NPRL3: variants seen among roughly 807,000 people sequenced by gnomAD.
NPRL3 encodes NPR3 like, GATOR1 complex subunit.
Under a neutral mutation model 57.2 loss-of-function variants are expected in NPRL3, and 23 were observed. The observed-to-expected ratio is 0.40, with a 90% CI of 0.29 to 0.57. The LOEUF is 0.57. Ranked by LOEUF, NPRL3 falls within the 20% of genes least tolerant of loss-of-function variation. NPRL3 has a pLI of 0.42. For missense variants in NPRL3, 691 were observed against 767.1 expected, an observed-to-expected ratio of 0.90 and a Z score of 1.17; for synonymous variants, 333 against 321.1, an observed-to-expected ratio of 1.04 and a Z score of -0.39.
chr16:117,081 C>T (rs960492663), intron 5 of NPRL3, among the ~76,000 whole-genome samples: 4 of 152,056 alleles, frequency 2.6e-5, no homozygotes, highest in Non-Finnish European at 5.9e-5. Flanking sequence ...ATGAATGTAC[C>T]AGATGCCACT....
chr16:135,907 G>C (rs1302787481), intron 2 of NPRL3, among the ~76,000 whole-genome samples: 1 of 152,056 alleles, frequency 6.6e-6, no homozygotes, highest in Non-Finnish European at 1.5e-5. Context: ...ATTAGGCAAA[G>C]GTTATAAATA....
At chr16:93,776 G>A (rs1259474431) in intron 9 of NPRL3, among the ~76,000 whole-genome samples, 1 of 152,176 alleles carries the variant, frequency 6.6e-6, no homozygotes, top group Non-Finnish European at 1.5e-5. Context: ...ATGTTGGCCA[G>A]GATGGTCTCG....
chr16:129,305 G>A (rs1900685315), intron 3 of NPRL3, among the ~76,000 whole-genome samples: 1 of 152,124 alleles, frequency 6.6e-6, no homozygotes, highest in South Asian at 2.1e-4. Context: ...CTGTGCAGGG[G>A]CAAAAGCATT....
In NPRL3 at chr16:101,916, G is replaced by A. The variant is rs896493739; in HGVS notation, c.630-1407C>T. Among the ~76,000 whole-genome samples the A allele has an allele frequency of 7.9e-5, 12 of 152,236 alleles. No homozygotes were observed. The East Asian group carries it at 1.2e-3, about 15-fold the overall frequency. On this transcript the variant is annotated intron_variant, in intron 7 of 13. Transcript: ENST00000611875. ...CCATTGACACTCCAACCCCTGACCC[G>A]CTGCCTAATGCTGTCTCCCCAACCA...
At chr16:92,905 G>C (rs1898825193) in intron 10 of NPRL3, 180 bp from the exon 11 acceptor site, 2 of 712,224 alleles carry the variant, frequency 2.8e-6, no homozygotes, top group East Asian at 2.7e-5. Flanking sequence ...ACTTCCCCTT[G>C]AGCAGCAGCA....
At chr16:87,605 G>T (rs796350581) in intron 13 of NPRL3, among the ~76,000 whole-genome samples, 12 of 150,058 alleles carry the variant, frequency 8.0e-5, no homozygotes, top group African/African-American at 3.0e-4. Context: ...CGCGATCTGG[G>T]CTCACTGCAA....
chr16:89,113 A>C (rs1034780754), intron 12 of NPRL3: 54 of 575,306 alleles, frequency 9.4e-5, no homozygotes, highest in Non-Finnish European at 4.7e-5. Flanking sequence ...GGGCAACCTC[A>C]AGGGACCTGA....
At chr16:127,671 T>G (rs1465354394) in intron 3 of NPRL3, among the ~76,000 whole-genome samples, 1 of 151,784 alleles carries the variant, frequency 6.6e-6, no homozygotes, top group Admixed American at 6.6e-5. Context: ...TTTTTTTTTT[T>G]TGAGACGGAG....
Position 138,332 on chromosome 16 carries a change from G to A in NPRL3, c.-65C>T, listed in dbSNP as rs146357256. ...GGAGGACGGAGCCGGAGGCGGAGGG[G>A]GCCTGAGGAGGACGGAGCCGGAGGC... On this transcript the variant is annotated splice_region_variant and 5_prime_UTR_variant, in exon 2 of 14. Transcript: ENST00000611875. 0.017 allele frequency: 13,116 copies of A among 776,166 alleles called. 571 individuals carry two copies. Among genetic ancestry groups the A allele is most frequent in the East Asian group, 0.17 (2,659 of 15,912 alleles). 48.1% of individuals were successfully genotyped at this position (776,166 alleles called of 1,614,324 possible).
rs73478349 is a variant in NPRL3, at chr16:136,044, A to G, written c.118+2106T>C. ...TAATTTTTCACCTACCAGATTAACA[A>G]AGATTGAAAAATCTAACCTATTAAA... On this transcript the variant is annotated intron_variant, in intron 2 of 13. Transcript: ENST00000611875. Among the ~76,000 whole-genome samples, 1,501 of 152,336 alleles carry G rather than the reference A, an allele frequency of 9.9e-3. 26 individuals carry two copies. The highest frequency in any genetic ancestry group is 0.03 in the African/African-American group (1,240 of 41,568).
intron 7 of NPRL3, among the ~76,000 whole-genome samples, chr16:106,263 G>T (rs1899523320): frequency 6.6e-6 from 1 of 152,096 alleles, no homozygotes; most frequent in Non-Finnish European, 1.5e-5. Flanking sequence ...AACTGAGATT[G>T]TGCCATTGCA....
rs1380711428 is a variant in NPRL3, at chr16:138,135, C to G, written c.118+15G>C. ...GCCCCCGCGAGCGCCAGGCCCCCGC[C>G]CAGCGCTCACTTACTTGTCTGGGAC... On this transcript the variant is annotated intron_variant, in intron 2 of 13. Transcript: ENST00000611875. The G allele has an allele frequency of 3.2e-6, 5 of 1,578,750 alleles. No individual in the cohort carries two copies. Among genetic ancestry groups the G allele is most frequent in the Non-Finnish European group, 4.3e-6 (5 of 1,162,072 alleles).
At chr16:100,598 C>A in intron 7 of NPRL3, 89 bp from the exon 8 acceptor site, 1 of 1,262,756 alleles carries the variant, frequency 7.9e-7, no homozygotes, top group South Asian at 2.5e-5. Flanking sequence ...GGTGCTGATT[C>A]CCCTGCTGCT....
At chr16:124,336 ATCTTT>A (rs1417506514) in intron 3 of NPRL3, among the ~76,000 whole-genome samples, 2 of 151,006 alleles carry the variant, frequency 1.3e-5, no homozygotes, top group Non-Finnish European at 3.0e-5. Context: ...GAAGTATCTC[ATCTTT>A]TCTTTTCTTT....
At position 89,806 on chromosome 16, in the gene NPRL3, C is replaced by G. The variant is rs374777389; in HGVS notation, c.1258G>C (p.Glu420Gln). The change falls in exon 12 of 14, where the codon GAG (glutamate) becomes CAG (glutamine). Residue 420 changes from glutamate (E) to glutamine (Q), a missense_variant. Transcript: ENST00000611875. Reference protein sequence around the residue: ...VCLMASPSEEEPRPREDDVPF... With the variant: ...VCLMASPSEEQPRPREDDVPF... ...ACGTCGTCCTCTCGCGGACGGGGCT[C>G]CTCCTCGCTGGGTGAGGCCATCAGG... The G allele has an allele frequency of 3.1e-6, 5 of 1,595,676 alleles. No individual in the cohort carries two copies. The Admixed American group carries it at 5.2e-5, about 17-fold the overall frequency.
In NPRL3 at chr16:88,674, CCCAA is replaced by C. The variant is rs1898609339; in HGVS notation, c.1544+20_1544+23del. ...CCCTGACCCTGCAACTGGCCCCAGT[CCCAA>C]CGGGTCAACCTACACCCACCTGGCA... On this transcript the variant is annotated intron_variant, in intron 13 of 13. Transcript: ENST00000611875. The C allele has an allele frequency of 6.3e-7, 1 of 1,590,846 alleles. No individual in the cohort carries two copies. Among genetic ancestry groups the C allele is most frequent in the Non-Finnish European group, 8.6e-7 (1 of 1,163,798 alleles).
chr16:93,974 G>A (rs1362206943), intron 9 of NPRL3, among the ~76,000 whole-genome samples: 5 of 152,214 alleles, frequency 3.3e-5, no homozygotes, highest in Admixed American at 1.3e-4. Context: ...GCATGGGAAT[G>A]TCTGGGGTGC....
At chr16:95,350 T>TATATATACACAC (rs1223611120) in intron 9 of NPRL3, among the ~76,000 whole-genome samples, 2 of 110,982 alleles carry the variant, frequency 1.8e-5, no homozygotes, top group African/African-American at 7.4e-5. Flanking sequence ...TATATATATA[T>TATATATACACAC]ACACACACAC....
intron 10 of NPRL3, 62 bp downstream of exon 10, chr16:93,157 G>A (rs1596499951): frequency 9.4e-7 from 1 of 1,067,388 alleles, no homozygotes; most frequent in Non-Finnish European, 1.4e-6. Flanking sequence ...CATCTGGAGG[G>A]CCCTGCCAGC....
Sources: allele counts gnomAD v4.1 joint callset (sites outside exome capture counted in the v4.1 genomes callset), GRCh38; gene constraint gnomAD v4.1.1; transcripts MANE v1.5; gene names NCBI Gene and HGNC (gene_info 2026-07-23, HGNC 2026-07-21).